OR56A3: variants seen among roughly 807,000 people sequenced by gnomAD.
OR56A3 encodes the protein olfactory receptor 56A3.
OR56A3 carries 23 observed loss-of-function variants against 17.5 expected under a neutral mutation model. The observed-to-expected ratio is 1.32, with a 90% CI of 0.95 to 1.87. The LOEUF (loss-of-function observed/expected upper bound fraction) is 1.87, where lower values mean the gene tolerates loss of function less well. Among genes scored for constraint, OR56A3 ranks in the 40% most tolerant of loss-of-function variants. The probability of loss-of-function intolerance (pLI) is 0.00; values close to 1 mark genes in which losing one functional copy is unlikely to be tolerated. For missense variants in OR56A3, 366 were observed against 380.1 expected (o/e 0.96, Z 0.31); for synonymous variants, 175 against 150.6 (o/e 1.16, Z -1.19).
the OR56A3 span, among the ~76,000 whole-genome samples, chr11:6,015,062 AG>A: frequency 6.6e-6 from 1 of 151,328 alleles, no homozygotes; most frequent in African/African-American, 2.4e-5. Flanking sequence ...AGAGCATAAA[AG>A]TTTGAAAAAT....
At chr11:5,993,194 G>T in the OR56A3 span, among the ~76,000 whole-genome samples, 13 of 152,174 alleles carry the variant, frequency 8.5e-5, no homozygotes, top group Non-Finnish European at 1.8e-4. Context: ...CAGGAACTGA[G>T]CCTAGAGTTT....
chr11:5,960,492 C>G, the OR56A3 span, among the ~76,000 whole-genome samples: 1 of 152,234 alleles, frequency 6.6e-6, no homozygotes, highest in Non-Finnish European at 1.5e-5. Context: ...AGCTCCTGAC[C>G]GCGAGTGGTC....
the OR56A3 span, among the ~76,000 whole-genome samples, chr11:5,990,317 C>G: frequency 6.6e-6 from 1 of 152,198 alleles, no homozygotes; most frequent in Non-Finnish European, 1.5e-5. Context: ...TAAATTTAAG[C>G]ATAGGAATCA....
the OR56A3 span, chr11:5,967,999 A>C: frequency 8.2e-6 from 13 of 1,591,026 alleles, no homozygotes; most frequent in East Asian, 3.0e-4. Flanking sequence ...AGTCGAGAAG[A>C]AAGTATGGGG....
At chr11:5,983,592 A>G in the OR56A3 span, among the ~76,000 whole-genome samples, 1 of 152,254 alleles carries the variant, frequency 6.6e-6, no homozygotes, top group East Asian at 1.9e-4. Flanking sequence ...GCCTATTAGA[A>G]CAAAACTCAT....
At chr11:5,994,381 T>C in the OR56A3 span, 1 of 712,246 alleles carries the variant, frequency 1.4e-6, no homozygotes, top group Non-Finnish European at 2.6e-6. Context: ...TTCTCTCTGT[T>C]CTTCCCAGCC....
the OR56A3 span, among the ~76,000 whole-genome samples, chr11:5,963,366 A>C: frequency 6.6e-6 from 1 of 152,122 alleles, no homozygotes; most frequent in African/African-American, 2.4e-5. Context: ...ACAGGTCTGT[A>C]GTAATGAATT....
chr11:5,942,887 G>A (rs965260978), intron 1 of OR56A3, among the ~76,000 whole-genome samples: 2 of 152,214 alleles, frequency 1.3e-5, no homozygotes, highest in African/African-American at 2.4e-5. Flanking sequence ...TTTAAAACAG[G>A]GTTTCTTTGG....
At chr11:5,959,568 A>G in the OR56A3 span, among the ~76,000 whole-genome samples, 1 of 152,192 alleles carries the variant, frequency 6.6e-6, no homozygotes, top group Non-Finnish European at 1.5e-5. Context: ...TATCAGATAT[A>G]TATTTCACAA....
the OR56A3 span, among the ~76,000 whole-genome samples, chr11:5,956,593 T>G: frequency 1.3e-4 from 20 of 152,218 alleles, no homozygotes; most frequent in Admixed American, 9.2e-4. Context: ...CAATGTTTTC[T>G]CCAAGCTAAT....
At chr11:5,981,631 T>C in the OR56A3 span, among the ~76,000 whole-genome samples, 1 of 152,252 alleles carries the variant, frequency 6.6e-6, no homozygotes, top group Non-Finnish European at 1.5e-5. Context: ...TGATCTTTGT[T>C]GCCATCCAGA....
At chr11:5,986,543 A>T in the OR56A3 span, 3 of 1,613,644 alleles carry the variant, frequency 1.9e-6, no homozygotes, top group African/African-American at 2.7e-5. Flanking sequence ...AGTACCCCTG[A>T]CTCCATGGAG....
chr11:5,986,385 T>C, the OR56A3 span: 6 of 1,613,798 alleles, frequency 3.7e-6, no homozygotes, highest in Non-Finnish European at 5.1e-6. Flanking sequence ...AGATAAGTGT[T>C]CCCAACAAAA....
chr11:6,012,117 C>T, the OR56A3 span, among the ~76,000 whole-genome samples: 1 of 152,348 alleles, frequency 6.6e-6, no homozygotes, highest in South Asian at 2.1e-4. Context: ...ATTTCTGTTA[C>T]AGCAACTCTT....
chr11:5,961,882 C>T, the OR56A3 span, among the ~76,000 whole-genome samples: 8 of 152,032 alleles, frequency 5.3e-5, no homozygotes, highest in African/African-American at 1.9e-4. Context: ...AATTTGCATG[C>T]CTTTTATTTT....
the OR56A3 span, among the ~76,000 whole-genome samples, chr11:6,003,511 C>T: frequency 1.3e-5 from 2 of 152,282 alleles, no homozygotes; most frequent in African/African-American, 2.4e-5. Flanking sequence ...CCCAGAAGCT[C>T]AGGGAACCAG....
intron 1 of OR56A3, among the ~76,000 whole-genome samples, chr11:5,943,732 T>C (rs1450275218): frequency 6.6e-6 from 1 of 152,112 alleles, no homozygotes; most frequent in Non-Finnish European, 1.5e-5. Flanking sequence ...TAGTTACAAG[T>C]GCCACAAAAA....
At chr11:5,982,036 G>A in the OR56A3 span, among the ~76,000 whole-genome samples, 1 of 152,316 alleles carries the variant, frequency 6.6e-6, no homozygotes, top group South Asian at 2.1e-4. Context: ...CTGCACTGGA[G>A]GAGCCAAGGT....
the OR56A3 span, chr11:5,968,020 T>C: frequency 6.3e-7 from 1 of 1,596,150 alleles, no homozygotes; most frequent in Non-Finnish European, 8.5e-7. Context: ...ATAGGCATAG[T>C]AAGAAGGCCA....
Sources: allele counts gnomAD v4.1 joint callset (sites outside exome capture counted in the v4.1 genomes callset), GRCh38; gene constraint gnomAD v4.1.1; transcripts MANE v1.5; gene names NCBI Gene and HGNC (gene_info 2026-07-23, HGNC 2026-07-21).